The following OXR1 variants were observed in gnomAD, a reference collection of about 807,000 sequenced individuals.
The protein encoded by OXR1 is oxidation resistance protein 1.
In OXR1, 41 loss-of-function variants were observed where a neutral mutation model predicts 104.6. The ratio of observed to expected loss-of-function variants is 0.39; its 90% CI spans 0.31 to 0.51. OXR1 has a LOEUF of 0.51. OXR1 is among the 20% of genes least tolerant of loss of function. The pLI, the probability that OXR1 is intolerant of heterozygous loss-of-function variation, is 0.77. For synonymous variants in OXR1, 348 were observed against 348.4 expected, an observed-to-expected ratio of 1.00 and a Z score of 0.01; for missense variants, 955 against 1,031.9, an observed-to-expected ratio of 0.93 and a Z score of 1.02.
chr8:106,497,813 C>CGT lies in OXR1; in HGVS notation c.24-21117_24-21116dup, dbSNP rs1554583335. Among the ~76,000 whole-genome samples the CGT allele has an allele frequency of 6.3e-3, 956 of 150,862 alleles. 10 individuals carry two copies. The highest frequency in any genetic ancestry group is 7.7e-3 in the Non-Finnish European group (520 of 67,704). ...ATGTGTGTGTGTGTGTGTGCACACG[C>CGT]GTGTGTGTGTGTGTCTTCATTGCAT... On this transcript the variant is annotated intron_variant, in intron 2 of 16. Coordinates refer to ENST00000517566, the MANE Select transcript of OXR1 (RefSeq NM_001198533.2).
At chr8:106,615,176 T>C (rs1821114883) in intron 3 of OXR1, among the ~76,000 whole-genome samples, 2 of 151,986 alleles carry the variant, frequency 1.3e-5, no homozygotes, top group Admixed American at 1.3e-4. Context: ...GTGCCTGTAA[T>C]CCCAACACTT....
intron 3 of OXR1, among the ~76,000 whole-genome samples, chr8:106,626,641 G>C (rs2130870781): frequency 6.8e-6 from 1 of 146,550 alleles, no homozygotes; most frequent in African/African-American, 2.5e-5. Context: ...TGAGGTATGT[G>C]TTTAATAATA....
chr8:106,327,128 A>G (rs965101689), intron 1 of OXR1, among the ~76,000 whole-genome samples: 3 of 152,140 alleles, frequency 2.0e-5, no homozygotes, highest in East Asian at 1.9e-4. Context: ...ATTTTTTAAT[A>G]TGCTATATTC....
At chr8:106,380,361 A>G (rs1014759505) in intron 2 of OXR1, among the ~76,000 whole-genome samples, 1 of 152,132 alleles carries the variant, frequency 6.6e-6, no homozygotes, top group African/African-American at 2.4e-5. Flanking sequence ...TTACTCATGC[A>G]TTCATCAATG....
chr8:106,581,364 C>A (rs1563620681), intron 3 of OXR1: 1 of 545,196 alleles, frequency 1.8e-6, no homozygotes, highest in Non-Finnish European at 3.1e-6. Flanking sequence ...TATAAATTAA[C>A]CAAATAGAGT....
At chr8:106,680,679 T>C (rs1031562297) in intron 4 of OXR1, among the ~76,000 whole-genome samples, 1 of 152,194 alleles carries the variant, frequency 6.6e-6, no homozygotes, top group Non-Finnish European at 1.5e-5. Context: ...ATTGACATTC[T>C]ATTACTTGGA....
intron 16 of OXR1, among the ~76,000 whole-genome samples, chr8:106,748,942 TA>T (rs957806091): frequency 2.0e-5 from 3 of 152,174 alleles, no homozygotes; most frequent in African/African-American, 7.2e-5. Flanking sequence ...TCTCTATACT[TA>T]AAATTTGTAT....
intron 2 of OXR1, among the ~76,000 whole-genome samples, chr8:106,470,131 C>T (rs553186372): frequency 2.8e-4 from 42 of 151,772 alleles, no homozygotes; most frequent in African/African-American, 1.0e-3. Flanking sequence ...GGAAGTATCT[C>T]GTGATTGGCC....
chr8:106,714,439 T>C (rs188967828), intron 11 of OXR1, among the ~76,000 whole-genome samples: 8 of 152,166 alleles, frequency 5.3e-5, no homozygotes, highest in African/African-American at 1.4e-4. Context: ...TACTACTCCT[T>C]TCTATGTTTC....
At chr8:106,328,674 T>C (rs1048468313) in intron 1 of OXR1, among the ~76,000 whole-genome samples, 6 of 151,926 alleles carry the variant, frequency 3.9e-5, no homozygotes, top group African/African-American at 1.5e-4. Context: ...GAGCAAAGAA[T>C]AAAGAATAAA....
At chr8:106,665,330 G>A (rs1826174915) in intron 3 of OXR1, among the ~76,000 whole-genome samples, 1 of 152,126 alleles carries the variant, frequency 6.6e-6, no homozygotes, top group Admixed American at 6.5e-5. Flanking sequence ...ATACAGATGT[G>A]GGTAGAATGT....
chr8:106,663,048 A>G (rs753932109), intron 3 of OXR1, among the ~76,000 whole-genome samples: 7 of 152,178 alleles, frequency 4.6e-5, no homozygotes, highest in Non-Finnish European at 1.0e-4. Flanking sequence ...TTCCAAATCC[A>G]TCCTATCCTT....
At chr8:106,559,737 G>A (rs1264742896) in intron 3 of OXR1, among the ~76,000 whole-genome samples, 1 of 152,016 alleles carries the variant, frequency 6.6e-6, no homozygotes, top group African/African-American at 2.4e-5. Flanking sequence ...AGGCTAGCTG[G>A]CTCCCTCACC....
intron 2 of OXR1, among the ~76,000 whole-genome samples, chr8:106,437,366 C>T (rs550943162): frequency 6.6e-6 from 1 of 152,168 alleles, no homozygotes; most frequent in East Asian, 1.9e-4. Context: ...AGTAAAATGT[C>T]CCTCTTCATA....
chr8:106,391,243 C>T (rs1423440149), intron 2 of OXR1, among the ~76,000 whole-genome samples: 2 of 151,982 alleles, frequency 1.3e-5, no homozygotes, highest in African/African-American at 2.4e-5. Flanking sequence ...TTTTTCACAA[C>T]TAAAAGTTTT....
chr8:106,365,231 A>G (rs1816418520), intron 2 of OXR1, among the ~76,000 whole-genome samples: 1 of 152,170 alleles, frequency 6.6e-6, no homozygotes, highest in Admixed American at 6.5e-5. Context: ...GTGAGAGATA[A>G]TATGAGTATT....
At chr8:106,682,766 G>T (rs1828306144) in intron 4 of OXR1, among the ~76,000 whole-genome samples, 1 of 152,100 alleles carries the variant, frequency 6.6e-6, no homozygotes, top group Non-Finnish European at 1.5e-5. Flanking sequence ...ATTTATATGT[G>T]CAATGACAGA....
chr8:106,591,847 T>G (rs1180500916), intron 3 of OXR1, among the ~76,000 whole-genome samples: 1 of 152,264 alleles, frequency 6.6e-6, no homozygotes, highest in African/African-American at 2.4e-5. Flanking sequence ...ACATCCGTTC[T>G]TTATCTCACA....
chr8:106,665,432 T>C (rs912193147), intron 3 of OXR1, among the ~76,000 whole-genome samples: 6 of 152,208 alleles, frequency 3.9e-5, no homozygotes, highest in Non-Finnish European at 8.8e-5. Flanking sequence ...AACGATGTTA[T>C]TCAAGGACCT....
Sources: gnomAD v4.1 joint callset for allele counts (sites outside exome capture counted in the v4.1 genomes callset) on GRCh38, gnomAD v4.1.1 for gene constraint, MANE v1.5 for transcripts, NCBI Gene and HGNC (gene_info 2026-07-23, HGNC 2026-07-21) for gene names.